Variants in AJAP1 observed in about 807,000 individuals in gnomAD.
The protein encoded by AJAP1 is adherens junction-associated protein 1.
Under a neutral mutation model 35.0 loss-of-function variants are expected in AJAP1, and 5 were observed. The ratio of observed to expected loss-of-function variants is 0.14; its 90% CI spans 0.07 to 0.30. The LOEUF is 0.30. AJAP1 is among the 10% of genes least tolerant of loss of function. AJAP1 has a pLI of 1.00. For missense variants in AJAP1, 586 were observed against 571.0 expected (o/e 1.03, Z -0.27); for synonymous variants, 284 against 249.3 (o/e 1.14, Z -1.31).
At chr1:4,683,896 TGAG>T (rs1386501163) in intron 1 of AJAP1, among the ~76,000 whole-genome samples, 9 of 152,088 alleles carry the variant, frequency 5.9e-5, no homozygotes, top group Non-Finnish European at 1.3e-4. Flanking sequence ...CAGGGGGCAC[TGAG>T]GAGGAGTATG....
intron 1 of AJAP1, among the ~76,000 whole-genome samples, chr1:4,679,909 A>C (rs953067201): frequency 2.6e-5 from 4 of 151,780 alleles, no homozygotes; most frequent in Non-Finnish European, 5.9e-5. Context: ...GAGAATCCCC[A>C]AGATCTGCAG....
intron 1 of AJAP1, among the ~76,000 whole-genome samples, chr1:4,687,272 G>A (rs146217892): frequency 0.011 from 1,686 of 152,342 alleles, 30 homozygotes; most frequent in African/African-American, 0.036. Context: ...CCCTGGGAGA[G>A]TTTATTCTGG....
intron 1 of AJAP1, among the ~76,000 whole-genome samples, chr1:4,663,668 C>T (rs900365591): frequency 7.2e-5 from 11 of 152,188 alleles, no homozygotes; most frequent in East Asian, 3.9e-4. Flanking sequence ...TGGCCCCAGA[C>T]GGTCTTTGTA....
intron 2 of AJAP1, among the ~76,000 whole-genome samples, chr1:4,718,722 C>G (rs954029602): frequency 6.6e-6 from 1 of 152,082 alleles, no homozygotes; most frequent in Non-Finnish European, 1.5e-5. Context: ...ACCTCATGAT[C>G]CACCTGCCTC....
intron 1 of AJAP1, among the ~76,000 whole-genome samples, chr1:4,709,462 G>C (rs1263836600): frequency 6.6e-6 from 1 of 151,874 alleles, no homozygotes; most frequent in Non-Finnish European, 1.5e-5. Flanking sequence ...GCAGAGTCTG[G>C]TGAGGCCTGG....
At chr1:4,686,542 A>G (rs1350238723) in intron 1 of AJAP1, among the ~76,000 whole-genome samples, 1 of 152,242 alleles carries the variant, frequency 6.6e-6, no homozygotes, top group Non-Finnish European at 1.5e-5. Context: ...GATAAACCCC[A>G]GTCTTTATGG....
intron 1 of AJAP1, among the ~76,000 whole-genome samples, chr1:4,696,930 C>T (rs553625405): frequency 1.6e-4 from 24 of 149,776 alleles, no homozygotes; most frequent in South Asian, 4.3e-4. Context: ...GTTCTGTGTG[C>T]GTGTGTGTCT....
chr1:4,760,434 C>T (rs1353635323), intron 2 of AJAP1, among the ~76,000 whole-genome samples: 1 of 152,034 alleles, frequency 6.6e-6, no homozygotes, highest in Non-Finnish European at 1.5e-5. Flanking sequence ...TTGGAAGCTG[C>T]CCTGGAACCA....
rs181211540 is a variant in AJAP1 at position 4,708,220 on chromosome 1, C to A, written c.30-3680C>A. On this transcript the variant is annotated intron_variant, in intron 1 of 5. Coordinates refer to ENST00000378191, the MANE Select transcript of AJAP1 (RefSeq NM_018836.4). ...TGACCTCGTGATCCTCCCACCTCGG[C>A]CTCCCAAAGTGCTGGGATTACAGGC... is the stretch of plus-strand genomic sequence containing the variant. Among the ~76,000 whole-genome samples, 6 of 152,166 alleles carry A rather than the reference C, an allele frequency of 3.9e-5. No homozygotes were observed. In the East Asian group the frequency reaches 1.2e-3, roughly 30 times the overall value.
intron 1 of AJAP1, among the ~76,000 whole-genome samples, chr1:4,661,933 G>C (rs1256273018): frequency 1.3e-5 from 2 of 152,180 alleles, no homozygotes; most frequent in African/African-American, 4.8e-5. Flanking sequence ...ATCCAAGGAG[G>C]CCTCTATCGA....
intron 2 of AJAP1, among the ~76,000 whole-genome samples, chr1:4,742,607 C>A (rs571714631): frequency 2.0e-5 from 3 of 151,834 alleles, no homozygotes; most frequent in Non-Finnish European, 4.4e-5. Flanking sequence ...TCTCGAAGTT[C>A]GAAATTTTTT....
intron 2 of AJAP1, among the ~76,000 whole-genome samples, chr1:4,744,557 C>T (rs530824918): frequency 2.0e-5 from 3 of 152,178 alleles, no homozygotes; most frequent in African/African-American, 7.2e-5. Context: ...ATGCTTCCCT[C>T]ACACCCAGCT....
intron 5 of AJAP1, among the ~76,000 whole-genome samples, chr1:4,777,071 C>T (rs542638681): frequency 6.6e-6 from 1 of 152,364 alleles, no homozygotes; most frequent in South Asian, 2.1e-4. Flanking sequence ...CCGTTTACCA[C>T]TCACTAGGAT....
intron 1 of AJAP1, among the ~76,000 whole-genome samples, chr1:4,682,412 C>T (rs773647854): frequency 6.6e-6 from 1 of 152,220 alleles, no homozygotes; most frequent in Non-Finnish European, 1.5e-5. Context: ...CAAGACTATG[C>T]CCAGAATGCC....
chr1:4,657,091 T>C lies in AJAP1; in HGVS notation c.29+1637T>C, dbSNP rs759641553. 5.8e-4 allele frequency among the ~76,000 whole-genome samples: 89 copies of C among 152,192 alleles called. 2 individuals are homozygous for C. The highest frequency in any genetic ancestry group is 1.8e-4 in the Non-Finnish European group (12 of 68,034). ...CCACTTGATTCCTGATGGCAACTTA[T>C]TTGAACAGACATTTTTTTTTATTGC... On this transcript the variant is annotated intron_variant, in intron 1 of 5. Transcript: ENST00000378191.
At chr1:4,691,069 A>G (rs918478041) in intron 1 of AJAP1, among the ~76,000 whole-genome samples, 1 of 152,202 alleles carries the variant, frequency 6.6e-6, no homozygotes, top group Non-Finnish European at 1.5e-5. Flanking sequence ...TTCCAAATCC[A>G]GGGTCAGAAA....
In AJAP1 at chr1:4,790,791, A is replaced by T. The variant is rs977358705; in HGVS notation, c.*8306A>T. ...GTCATGTTGCTTGGTGTGAAGATGGAAGAACAAAGTCCACATCAGTTTCTG... is the reference window on the plus strand; with the variant it reads ...GTCATGTTGCTTGGTGTGAAGATGGTAGAACAAAGTCCACATCAGTTTCTG... On this transcript the variant is annotated 3_prime_UTR_variant, in exon 6 of 6. Transcript: ENST00000378191. The T allele has an allele frequency of 1.3e-5, 2 of 152,168 alleles. No individual in the cohort carries two copies. The highest frequency in any genetic ancestry group is 4.8e-5 in the African/African-American group (2 of 41,444). 9.4% of individuals were successfully genotyped at this position (152,168 alleles called of 1,614,324 possible).
In AJAP1 at chr1:4,772,472, T is replaced by A. The variant is rs183009095; in HGVS notation, c.1110T>A (p.Asp370Glu). Residue 370 changes from aspartate (D) to glutamate (E), a missense_variant, in exon 4 of 6, where the codon GAT becomes GAA. Coordinates refer to ENST00000378191, the MANE Select transcript of AJAP1 (RefSeq NM_018836.4). ...CVRASVPVYT[D>E]ETLHSTTGEY... ...GGGCATCTGTGCCCGTGTACACCGA[T>A]GAGACGCTGCACTCGACGACGGGGG... 6.2e-7 allele frequency: 1 copy of A among 1,614,194 alleles called. No individual in the cohort carries two copies. The highest frequency in any genetic ancestry group is 8.5e-7 in the Non-Finnish European group (1 of 1,180,020).
chr1:4,716,644 GTGT>G (rs1254776722), intron 2 of AJAP1, among the ~76,000 whole-genome samples: 6 of 151,734 alleles, frequency 4.0e-5, no homozygotes, highest in South Asian at 4.2e-4. Flanking sequence ...GATGATGATG[GTGT>G]TGATGATGGT....
Sources: allele counts gnomAD v4.1 joint callset (sites outside exome capture counted in the v4.1 genomes callset), GRCh38; gene constraint gnomAD v4.1.1; transcripts MANE v1.5; gene names NCBI Gene and HGNC (gene_info 2026-07-23, HGNC 2026-07-21).